Variants in FHAD1 observed in about 807,000 individuals in gnomAD.
FHAD1 encodes forkhead-associated domain-containing protein 1.
In FHAD1, 146 loss-of-function variants were observed where a neutral mutation model predicts 191.3. The ratio of observed to expected loss-of-function variants is 0.76; its 90% CI spans 0.67 to 0.88. FHAD1 has a LOEUF of 0.88. Ranked by LOEUF, FHAD1 falls within the 40% of genes least tolerant of loss-of-function variation. The pLI is 0.00. For synonymous variants in FHAD1, 616 were observed against 672.3 expected (o/e 0.92, Z 1.29); for missense variants, 1,635 against 1,785.8 (o/e 0.92, Z 1.52).
At chr1:15,250,763 C>T (rs755306409) in intron 1 of FHAD1, among the ~76,000 whole-genome samples, 3 of 152,034 alleles carry the variant, frequency 2.0e-5, no homozygotes, top group Non-Finnish European at 4.4e-5. Flanking sequence ...CAGTTGAGCC[C>T]AAGAGTTCAA....
chr1:15,395,602 G>A lies in FHAD1; in HGVS notation c.4324-1695G>A, dbSNP rs1476648729. Among the ~76,000 whole-genome samples, 6 of 152,090 alleles carry A rather than the reference G, an allele frequency of 3.9e-5. No individual in the cohort carries two copies. In the East Asian group the frequency reaches 5.8e-4, roughly 15 times the overall value. On this transcript the variant is annotated intron_variant, in intron 33 of 33. Transcript: ENST00000688493. ...GCCAAGTGTCCAACAAATATGGCCC[G>A]GGAGTGGGGTCATGCACACGGCTGC...
chr1:15,367,826 C>T (rs1696952481), intron 25 of FHAD1, among the ~76,000 whole-genome samples: 1 of 152,146 alleles, frequency 6.6e-6, no homozygotes, highest in African/African-American at 2.4e-5. Context: ...ATGCCACTTC[C>T]TCCAGGAAGC....
intron 1 of FHAD1, among the ~76,000 whole-genome samples, chr1:15,241,614 T>C (rs761345080): frequency 6.6e-6 from 1 of 151,934 alleles, no homozygotes; most frequent in Non-Finnish European, 1.5e-5. Context: ...CATGGCACTC[T>C]ACCCTGGGTG....
intron 5 of FHAD1, among the ~76,000 whole-genome samples, chr1:15,298,010 C>T (rs1190990813): frequency 3.3e-5 from 5 of 152,030 alleles, no homozygotes; most frequent in South Asian, 2.1e-4. Flanking sequence ...CCATTTGATC[C>T]GGCAATCCCA....
chr1:15,263,351 G>A (rs1327548137), intron 2 of FHAD1, among the ~76,000 whole-genome samples: 4 of 151,630 alleles, frequency 2.6e-5, no homozygotes, highest in Non-Finnish European at 5.9e-5. Context: ...CTGTGTTCTT[G>A]GTGTCATTGC....
At chr1:15,279,716 G>T (rs1426675489) in intron 3 of FHAD1, among the ~76,000 whole-genome samples, 1 of 152,032 alleles carries the variant, frequency 6.6e-6, no homozygotes, top group Non-Finnish European at 1.5e-5. Context: ...GGCTTCGTTT[G>T]GATCACATGA....
Position 15,386,495 on chromosome 1 carries a change from C to T in FHAD1, c.4189-1556C>T, listed in dbSNP as rs575270225. Among the ~76,000 whole-genome samples, 4 of 152,348 alleles carry T rather than the reference C, an allele frequency of 2.6e-5. No homozygotes were observed. The South Asian group carries it at 8.3e-4, about 32-fold the overall frequency. ...GAACATTTTAAATGCACAGAAGTTG[C>T]CCTTGGAGAAGGATGCAAGCCCGTT... On this transcript the variant is annotated intron_variant, in intron 31 of 33. Coordinates refer to ENST00000688493, the MANE Select transcript of FHAD1 (RefSeq NM_001391957.1).
intron 20 of FHAD1, among the ~76,000 whole-genome samples, chr1:15,355,289 G>T (rs1264940385): frequency 1.3e-5 from 2 of 151,954 alleles, no homozygotes. Flanking sequence ...AGCAGGAACA[G>T]GACCCAGCCC....
At chr1:15,277,426 C>T (rs578056632) in intron 3 of FHAD1, among the ~76,000 whole-genome samples, 2 of 152,216 alleles carry the variant, frequency 1.3e-5, no homozygotes, top group Non-Finnish European at 2.9e-5. Flanking sequence ...TAACCACAGG[C>T]TCCCTTTCCC....
intron 20 of FHAD1, among the ~76,000 whole-genome samples, chr1:15,356,871 CAAA>C (rs55899016): frequency 1.5e-5 from 2 of 137,310 alleles, no homozygotes; most frequent in African/African-American, 5.4e-5. Context: ...GACTCCATCT[CAAA>C]AAAAAAAAAA....
intron 2 of FHAD1, among the ~76,000 whole-genome samples, chr1:15,259,905 G>C (rs1557937685): frequency 6.6e-6 from 1 of 152,226 alleles, no homozygotes; most frequent in African/African-American, 2.4e-5. Flanking sequence ...GTAAGAAACA[G>C]CGCACACAAA....
chr1:15,380,370 A>G (rs1700626545), intron 28 of FHAD1, among the ~76,000 whole-genome samples: 1 of 152,224 alleles, frequency 6.6e-6, no homozygotes, highest in Admixed American at 6.5e-5. Flanking sequence ...ACAATCAAAA[A>G]TGTGTCCAAA....
At position 15,278,475 on chromosome 1, in the gene FHAD1, C is replaced by CTTTTTTTTTTTTTTTTTT. The variant is rs34110532; in HGVS notation, c.300+5962_300+5963insTTTTTTTTTTTTTTTTTT. Among the ~76,000 whole-genome samples the CTTTTTTTTTTTTTTTTTT allele has an allele frequency of 5.3e-4, 66 of 124,306 alleles. 5 individuals are homozygous for CTTTTTTTTTTTTTTTTTT. Among genetic ancestry groups the CTTTTTTTTTTTTTTTTTT allele is most frequent in the African/African-American group, 1.9e-3 (59 of 30,728 alleles). 81.5% of individuals were successfully genotyped at this position (124,306 alleles called of 152,430 possible). ...ACGCTTTGAACAGTCTTCATTACCTCTTTTTTTTTTTTTTTTGAGACGGAG... is the reference window on the plus strand; with the variant it reads ...ACGCTTTGAACAGTCTTCATTACCTCTTTTTTTTTTTTTTTTTTTTTTTTTTTTTTTTTTGAGACGGAG... On this transcript the variant is annotated intron_variant, in intron 3 of 33. Transcript: ENST00000688493.
At chr1:15,240,971 A>G (rs1052256955) in intron 1 of FHAD1, among the ~76,000 whole-genome samples, 10 of 150,526 alleles carry the variant, frequency 6.6e-5, no homozygotes, top group Admixed American at 1.3e-4. Flanking sequence ...AAAAAAAAAA[A>G]AAAAAGAAAG....
intron 12 of FHAD1, 93 bp from the exon 13 acceptor site, chr1:15,328,184 A>G (rs1679641274): frequency 2.6e-5 from 24 of 916,298 alleles, no homozygotes; most frequent in East Asian, 3.0e-5. Flanking sequence ...CTTAAGTTGC[A>G]TCTCTCCCCT....
intron 2 of FHAD1, among the ~76,000 whole-genome samples, chr1:15,261,868 G>A (rs904784734): frequency 3.5e-4 from 54 of 152,186 alleles, no homozygotes; most frequent in African/African-American, 1.3e-3. Flanking sequence ...GATACACACA[G>A]GTGCCTGTCG....
Position 15,329,652 on chromosome 1 carries a change from T to C in FHAD1, c.1906+111T>C. 1.0e-6 allele frequency: 1 copy of C among 963,146 alleles called. No homozygotes were observed. Among genetic ancestry groups the C allele is most frequent in the East Asian group, 2.7e-5 (1 of 37,404 alleles). The allele number at this position is 963,146 out of a possible 1,614,324, so 59.7% of individuals were successfully genotyped here. ...GTCTTCCTGGGTATCTGGCCAAGTC[T>C]ATTCCCTTCTCCAGAACCCCCTGCT... On this transcript the variant is annotated intron_variant, in intron 14 of 33. Transcript: ENST00000688493. This position sits in a 1 kb window ranked among gnomAD's most constrained non-coding sequence, Gnocchi z 5.0.
rs564323435 is a variant in FHAD1, at chr1:15,315,941, G to A, written c.1171-437G>A. On this transcript the variant is annotated intron_variant, in intron 8 of 33. Transcript: ENST00000688493. ...CCCATTATATATGTTCTTAATGCCC[G>A]TTGCCAAATTGCCCTCCAGAACGGC... 2.6e-5 allele frequency among the ~76,000 whole-genome samples: 4 copies of A among 152,252 alleles called. No homozygotes were observed. The East Asian group carries it at 5.8e-4, about 22-fold the overall frequency.
intron 1 of FHAD1, among the ~76,000 whole-genome samples, chr1:15,249,671 A>G (rs1364794541): frequency 6.6e-6 from 1 of 152,016 alleles, no homozygotes; most frequent in Non-Finnish European, 1.5e-5. Context: ...CTTTTTTTGC[A>G]GAGGATAGAA....
Sources: allele counts gnomAD v4.1 joint callset (sites outside exome capture counted in the v4.1 genomes callset), GRCh38; gene constraint gnomAD v4.1.1; non-coding constraint Gnocchi (gnomAD v3.1); transcripts MANE v1.5; gene names NCBI Gene and HGNC (gene_info 2026-07-23, HGNC 2026-07-21).